The following TMLHE variants were observed in gnomAD, a reference collection of about 807,000 sequenced individuals.
TMLHE encodes trimethyllysine hydroxylase, epsilon, also known as trimethyllysine dioxygenase, mitochondrial.
TMLHE carries 18 observed loss-of-function variants against 25.7 expected under a neutral mutation model. The observed-to-expected ratio is 0.70, with a 90% confidence interval of 0.48 to 1.04. The LOEUF (loss-of-function observed/expected upper bound fraction) is 1.04. TMLHE is among the 50% of genes least tolerant of loss of function. TMLHE has a pLI of 0.00. For synonymous variants in TMLHE, 105 were observed against 97.0 expected (o/e 1.08, Z -0.49); for missense variants, 236 against 259.0 (o/e 0.91, Z 0.61).
Position 155,567,773 on chromosome X carries a change from C to T in TMLHE, c.-1-22496G>A, listed in dbSNP as rs1471553286. Among the ~76,000 whole-genome samples the T allele has an allele frequency of 6.5e-5, 4 of 61,967 alleles. 2 individuals are homozygous for T. Among genetic ancestry groups the T allele is most frequent in the Admixed American group, 3.8e-4 (2 of 5,298 alleles). 53.8% of individuals were successfully genotyped at this position (61,967 alleles called of 115,157 possible). On this transcript the variant is annotated intron_variant, in intron 1 of 7. Coordinates refer to ENST00000334398, the MANE Select transcript of TMLHE (RefSeq NM_018196.4). ...AAATGTACAGTGGAAGACCGAAGAA[C>T]TGAAAGCTCCACTGATGGAGGGTGC...
At chrX:155,548,475 C>G (rs782326540) in intron 1 of TMLHE, among the ~76,000 whole-genome samples, 1 of 110,513 alleles carries the variant, frequency 9.0e-6, no homozygotes, top group African/African-American at 3.3e-5. Context: ...GTGGCTCATG[C>G]CTGAAATCCC....
chrX:155,526,502 T>C (rs2067220388), intron 2 of TMLHE, among the ~76,000 whole-genome samples: 1 of 112,488 alleles, frequency 8.9e-6, no homozygotes. Context: ...GAACCTCTAC[T>C]AGGGCAGTGT....
In TMLHE at chrX:155,544,786, CCCTAGTT is replaced by C. The variant is rs1445217750; in HGVS notation, c.181+303_181+309del. On this transcript the variant is annotated intron_variant, in intron 2 of 7. Transcript: ENST00000334398. The stretch of plus-strand genomic sequence containing the variant: ...GGCTGGAGCAGGCTGAGTTGCCTTC[CCCTAGTT>C]GAGAAGGGATTTCACTATTGCCCTC... 2.7e-5 allele frequency among the ~76,000 whole-genome samples: 3 copies of C among 110,643 alleles called. No homozygotes were observed. In the South Asian group the frequency reaches 1.2e-3, roughly 43 times the overall value.
At chrX:155,569,329 A>C (rs1482790573) in intron 1 of TMLHE, among the ~76,000 whole-genome samples, 2 of 57,646 alleles carry the variant, frequency 3.5e-5, no homozygotes, top group African/African-American at 8.3e-5. Context: ...GAAATATGGG[A>C]CTATGTGAAA....
intron 1 of TMLHE, among the ~76,000 whole-genome samples, chrX:155,548,561 C>G (rs1455606375): frequency 1.9e-5 from 2 of 107,042 alleles, no homozygotes; most frequent in Non-Finnish European, 3.8e-5. Context: ...TGGTGAAACC[C>G]TGTCTCTACT....
chrX:155,581,271 G>T (rs2067626071), intron 1 of TMLHE, among the ~76,000 whole-genome samples: 1 of 111,345 alleles, frequency 9.0e-6, no homozygotes, highest in South Asian at 3.8e-4. Flanking sequence ...CACAAGACAG[G>T]GATGCCCTCT....
At chrX:155,569,875 A>C (rs782782698) in intron 1 of TMLHE, among the ~76,000 whole-genome samples, 1 of 57,175 alleles carries the variant, frequency 1.7e-5, no homozygotes, top group African/African-American at 4.2e-5. Flanking sequence ...CAGCCACTGC[A>C]AAATCATGCC....
chrX:155,580,132 TCAA>T (rs2067616771), intron 1 of TMLHE, among the ~76,000 whole-genome samples: 1 of 110,534 alleles, frequency 9.0e-6, no homozygotes, highest in African/African-American at 3.3e-5. Context: ...CATGAACAAC[TCAA>T]CAACAACAAA....
rs1354730869 is a variant in TMLHE at position 155,577,579 on chromosome X, C to CA, written c.-1-32303dup. ...TGGGCAACAAAGCGAGACTCTGTCT[C>CA]AAAAAAAAAAAAAATAGAAAAATGT... On this transcript the variant is annotated intron_variant, in intron 1 of 7. Transcript: ENST00000334398. 3.6e-3 allele frequency among the ~76,000 whole-genome samples: 294 copies of CA among 82,237 alleles called. 2 individuals carry two copies. Among genetic ancestry groups the CA allele is most frequent in the Middle Eastern group, 6.8e-3 (1 of 147 alleles). The allele number at this position is 82,237 out of a possible 115,157, so 71.4% of individuals were successfully genotyped here.
intron 2 of TMLHE, among the ~76,000 whole-genome samples, chrX:155,542,835 T>TC (rs1221061614): frequency 9.0e-6 from 1 of 111,104 alleles, no homozygotes; most frequent in Non-Finnish European, 1.9e-5. Flanking sequence ...GGTGTTTTTC[T>TC]CCCCACTAGG....
chrX:155,568,902 A>G lies in TMLHE; in HGVS notation c.-1-23625T>C, dbSNP rs1350135370. On this transcript the variant is annotated intron_variant, in intron 1 of 7. Coordinates refer to ENST00000334398, the MANE Select transcript of TMLHE (RefSeq NM_018196.4). ...GATGGGGAAAAAACAGAGCAGAAAA[A>G]CTGGAAACTCTAAAAAGCAGAGCAC... is the stretch of plus-strand genomic sequence containing the variant. 3.1e-4 allele frequency among the ~76,000 whole-genome samples: 19 copies of G among 61,106 alleles called. 1 individual carries two copies. The highest frequency in any genetic ancestry group is 6.6e-4 in the African/African-American group (18 of 27,102). The allele number at this position is 61,106 out of a possible 115,157, so 53.1% of individuals were successfully genotyped here.
intron 3 of TMLHE, among the ~76,000 whole-genome samples, chrX:155,522,822 T>C (rs2067196432): frequency 8.9e-6 from 1 of 112,092 alleles, no homozygotes; most frequent in South Asian, 3.7e-4. Context: ...GATGTGAACA[T>C]TAATGTACAG....
At position 155,570,891 on chromosome X, in the gene TMLHE, A is replaced by G. The variant is rs1225141984; in HGVS notation, c.-1-25614T>C. Among the ~76,000 whole-genome samples, 2 of 57,577 alleles carry G rather than the reference A, an allele frequency of 3.5e-5. 1 individual carries two copies. The highest frequency in any genetic ancestry group is 1.4e-3 in the East Asian group (2 of 1,414). The allele number at this position is 57,577 out of a possible 115,157, so 50.0% of individuals were successfully genotyped here. ...CCACAAGAGAAGCAGGAAAGATCCAAAATTGACACCCTAACATCACAATTA... is the reference window on the plus strand; with the variant it reads ...CCACAAGAGAAGCAGGAAAGATCCAGAATTGACACCCTAACATCACAATTA... On this transcript the variant is annotated intron_variant, in intron 1 of 7. Transcript: ENST00000334398.
Position 155,570,013 on chromosome X carries a change from A to G in TMLHE, c.-1-24736T>C, listed in dbSNP as rs1232678188. Among the ~76,000 whole-genome samples, 12 of 55,735 alleles carry G rather than the reference A, an allele frequency of 2.2e-4. 5 individuals carry two copies. Among genetic ancestry groups the G allele is most frequent in the Non-Finnish European group, 5.1e-4 (11 of 21,483 alleles). 48.4% of individuals were successfully genotyped at this position (55,735 alleles called of 115,157 possible). ...TTAACTTTAAATGTAAATGGACTAA[A>G]TGCTCCAATTAAAAGACACAGACTG... is the stretch of plus-strand genomic sequence containing the variant. On this transcript the variant is annotated intron_variant, in intron 1 of 7. Coordinates refer to ENST00000334398, the MANE Select transcript of TMLHE (RefSeq NM_018196.4).
At chrX:155,535,444 C>T (rs2067273006) in intron 2 of TMLHE, among the ~76,000 whole-genome samples, 1 of 111,673 alleles carries the variant, frequency 9.0e-6, no homozygotes, top group Non-Finnish European at 1.9e-5. Flanking sequence ...ATAGAATGTG[C>T]TCTCTCTTAT....
At chrX:155,515,993 G>A (rs1485166498) in intron 3 of TMLHE, among the ~76,000 whole-genome samples, 1 of 92,768 alleles carries the variant, frequency 1.1e-5, no homozygotes, top group East Asian at 3.5e-4. Context: ...TTTTTCTATT[G>A]GAACAATTGT....
At chrX:155,544,771 G>A (rs2067333419) in intron 2 of TMLHE, among the ~76,000 whole-genome samples, 1 of 110,413 alleles carries the variant, frequency 9.1e-6, no homozygotes, top group African/African-American at 3.3e-5. Context: ...GGCTGGAGCA[G>A]GCTGAGTTGC....
At chrX:155,507,163 T>A (rs782697659) in intron 5 of TMLHE, 29 bp from the exon 6 acceptor site, 1 of 1,017,114 alleles carries the variant, frequency 9.8e-7, no homozygotes, top group East Asian at 3.1e-5. Context: ...ATTCTTCTGT[T>A]CAGTGGAAGA....
At chrX:155,535,737 G>T (rs1257901659) in intron 2 of TMLHE, among the ~76,000 whole-genome samples, 1 of 111,667 alleles carries the variant, frequency 9.0e-6, no homozygotes, top group East Asian at 2.8e-4. Flanking sequence ...ACTAACCCCT[G>T]TCTCCATTTA....
Sources: gnomAD v4.1 joint callset for allele counts (sites outside exome capture counted in the v4.1 genomes callset) on GRCh38, gnomAD v4.1.1 for gene constraint, MANE v1.5 for transcripts, NCBI Gene and HGNC (gene_info 2026-07-23, HGNC 2026-07-21) for gene names.